The following LRRTM4 variants were observed in gnomAD, a reference collection of about 807,000 sequenced individuals.
The protein encoded by LRRTM4 is leucine-rich repeat transmembrane neuronal protein 4.
Under a neutral mutation model 47.6 loss-of-function variants are expected in LRRTM4, and 25 were observed. That is an observed-to-expected ratio of 0.53 (90% confidence interval 0.38 to 0.73). The LOEUF is 0.73. LRRTM4 is among the 30% of genes least tolerant of loss of function. LRRTM4 has a pLI of 0.00. For missense variants in LRRTM4, 638 were observed against 713.4 expected, an observed-to-expected ratio of 0.89 and a Z score of 1.20; for synonymous variants, 311 against 269.5, an observed-to-expected ratio of 1.15 and a Z score of -1.51.
At chr2:77,436,561 T>C (rs976605657) in intron 3 of LRRTM4, among the ~76,000 whole-genome samples, 11 of 151,916 alleles carry the variant, frequency 7.2e-5, no homozygotes, top group Non-Finnish European at 1.2e-4. Context: ...GATTAATTTA[T>C]TATAGAATCC....
chr2:76,838,528 C>G (rs1671582385), intron 3 of LRRTM4, among the ~76,000 whole-genome samples: 1 of 151,998 alleles, frequency 6.6e-6, no homozygotes, highest in Non-Finnish European at 1.5e-5. Context: ...TCTCAAATGT[C>G]TTTGTAATTT....
intron 3 of LRRTM4, among the ~76,000 whole-genome samples, chr2:76,955,156 A>T (rs953239505): frequency 6.6e-6 from 1 of 151,900 alleles, no homozygotes; most frequent in Admixed American, 6.6e-5. Flanking sequence ...CTCACTGATA[A>T]GGGTAAATTT....
intron 3 of LRRTM4, among the ~76,000 whole-genome samples, chr2:77,039,221 T>G (rs138861865): frequency 3.3e-5 from 5 of 151,376 alleles, no homozygotes; most frequent in Non-Finnish European, 7.4e-5. Context: ...GATGAAAAAG[T>G]AGGGGCAGCT....
At chr2:76,968,381 T>TATATACAC (rs1553437943) in intron 3 of LRRTM4, among the ~76,000 whole-genome samples, 1 of 116,220 alleles carries the variant, frequency 8.6e-6, no homozygotes, top group East Asian at 2.9e-4. Context: ...TATATATATA[T>TATATACAC]ATACACATAC....
chr2:76,978,084 G>A (rs1676477964), intron 3 of LRRTM4, among the ~76,000 whole-genome samples: 1 of 152,126 alleles, frequency 6.6e-6, no homozygotes, highest in East Asian at 1.9e-4. Flanking sequence ...ATCTGGCTCT[G>A]CTCACACAAA....
intron 3 of LRRTM4, among the ~76,000 whole-genome samples, chr2:77,322,126 G>A (rs930343497): frequency 7.9e-5 from 12 of 152,180 alleles, no homozygotes; most frequent in African/African-American, 2.7e-4. Flanking sequence ...AAATAGTGGA[G>A]TTGTCATTTG....
chr2:77,202,880 T>C (rs935890974), intron 3 of LRRTM4, among the ~76,000 whole-genome samples: 1 of 152,082 alleles, frequency 6.6e-6, no homozygotes, highest in African/African-American at 2.4e-5. Context: ...TAAGGAAAAG[T>C]AGAATGTATG....
intron 3 of LRRTM4, among the ~76,000 whole-genome samples, chr2:77,269,434 T>C (rs1676134723): frequency 6.6e-6 from 1 of 152,092 alleles, no homozygotes; most frequent in African/African-American, 2.4e-5. Context: ...AAGTACATGA[T>C]AAAAAGAAGA....
chr2:77,434,451 A>AC (rs1675511889), intron 3 of LRRTM4, among the ~76,000 whole-genome samples: 2 of 152,086 alleles, frequency 1.3e-5, no homozygotes, highest in Admixed American at 1.3e-4. Context: ...ATCTGTTAAA[A>AC]AAAAAAAAAA....
At chr2:77,009,420 G>C (rs1374819420) in intron 3 of LRRTM4, 1 of 152,038 alleles carries the variant, frequency 6.6e-6, no homozygotes, top group Non-Finnish European at 1.5e-5. Flanking sequence ...GCGATTACAA[G>C]CATGATTCAT....
chr2:76,834,969 C>G (rs536124462), intron 3 of LRRTM4, among the ~76,000 whole-genome samples: 1 of 152,102 alleles, frequency 6.6e-6, no homozygotes, highest in African/African-American at 2.4e-5. Flanking sequence ...TCCTTGCAGC[C>G]TAACTCTGGT....
intron 3 of LRRTM4, among the ~76,000 whole-genome samples, chr2:76,753,993 C>T (rs930688237): frequency 6.6e-6 from 1 of 152,216 alleles, no homozygotes; most frequent in Admixed American, 6.5e-5. Context: ...ACATTGTTCA[C>T]ATTTCAGCAT....
chr2:77,515,360 C>T (rs1324606355), intron 3 of LRRTM4, among the ~76,000 whole-genome samples: 1 of 151,640 alleles, frequency 6.6e-6, no homozygotes, highest in African/African-American at 2.4e-5. Flanking sequence ...TGTGTGGAGG[C>T]TCACAAACGC....
chr2:76,993,350 C>G (rs943340862), intron 3 of LRRTM4, among the ~76,000 whole-genome samples: 5 of 151,796 alleles, frequency 3.3e-5, no homozygotes, highest in Non-Finnish European at 7.4e-5. Flanking sequence ...AAAATACTTG[C>G]AAACTATGTA....
chr2:77,397,431 C>T (rs796115616), intron 3 of LRRTM4, among the ~76,000 whole-genome samples: 6 of 151,812 alleles, frequency 4.0e-5, no homozygotes, highest in Non-Finnish European at 5.9e-5. Flanking sequence ...AGTGAAGAGA[C>T]ATTTTAAAGA....
chr2:77,172,675 A>G (rs993362761), intron 3 of LRRTM4, among the ~76,000 whole-genome samples: 39 of 152,008 alleles, frequency 2.6e-4, no homozygotes, highest in African/African-American at 9.0e-4. Flanking sequence ...TTACCTAATT[A>G]TCATCACACA....
intron 3 of LRRTM4, among the ~76,000 whole-genome samples, chr2:77,344,205 A>T (rs1376558577): frequency 6.6e-6 from 1 of 151,858 alleles, no homozygotes; most frequent in Non-Finnish European, 1.5e-5. Flanking sequence ...ATAACAATGA[A>T]AATCTTATTT....
chr2:77,456,387 A>T (rs928640097), intron 3 of LRRTM4, among the ~76,000 whole-genome samples: 2 of 152,166 alleles, frequency 1.3e-5, no homozygotes, highest in Non-Finnish European at 2.9e-5. Context: ...ACTTCTTTCC[A>T]CAAATAATTT....
intron 3 of LRRTM4, among the ~76,000 whole-genome samples, chr2:77,000,397 G>A (rs1417263838): frequency 1.3e-5 from 2 of 152,144 alleles, no homozygotes; most frequent in East Asian, 1.9e-4. Flanking sequence ...ATAAATGAGA[G>A]CTTGGGAGAG....
Sources: gnomAD v4.1 joint callset for allele counts (sites outside exome capture counted in the v4.1 genomes callset) on GRCh38, gnomAD v4.1.1 for gene constraint, MANE v1.5 for transcripts, NCBI Gene and HGNC (gene_info 2026-07-23, HGNC 2026-07-21) for gene names.